The following TJP1 variants were observed in gnomAD, a reference collection of about 807,000 sequenced individuals.
The protein encoded by TJP1 is tight junction protein 1, also known as tight junction protein ZO-1.
In TJP1, 43 loss-of-function variants were observed where a neutral mutation model predicts 194.2. The ratio of observed to expected loss-of-function variants is 0.22; its 90% CI spans 0.17 to 0.29. The LOEUF (loss-of-function observed/expected upper bound fraction) is 0.29. Ranked by LOEUF, TJP1 falls within the 10% of genes least tolerant of loss-of-function variation. The pLI is 1.00. For synonymous variants in TJP1, 801 were observed against 779.0 expected, an observed-to-expected ratio of 1.03 and a Z score of -0.47; for missense variants, 1,971 against 2,185.7, an observed-to-expected ratio of 0.90 and a Z score of 1.96.
At chr15:29,821,218 TG>T (rs1567099667) in intron 1 of TJP1, among the ~76,000 whole-genome samples, 1 of 152,124 alleles carries the variant, frequency 6.6e-6, no homozygotes, top group African/African-American at 2.4e-5. Flanking sequence ...TTCAAAGCAA[TG>T]GGAAAATGCA....
chr15:29,833,618 C>T (rs2152050361), intron 2 of TJP1, among the ~76,000 whole-genome samples: 1 of 151,726 alleles, frequency 6.6e-6, no homozygotes, highest in Non-Finnish European at 1.5e-5. Context: ...ATCTTGAACT[C>T]CTGACCTCAA....
intron 2 of TJP1, among the ~76,000 whole-genome samples, chr15:29,873,715 G>A (rs1162595668): frequency 6.6e-6 from 1 of 152,136 alleles, no homozygotes; most frequent in Non-Finnish European, 1.5e-5. Flanking sequence ...CTCAGACTAG[G>A]CATGGGGCTT....
chr15:29,899,817 G>A (rs1050546818), intron 2 of TJP1, among the ~76,000 whole-genome samples: 23 of 152,132 alleles, frequency 1.5e-4, no homozygotes, highest in Admixed American at 5.9e-4. Context: ...CAAAATAGTT[G>A]TCCAATGGCA....
intron 2 of TJP1, among the ~76,000 whole-genome samples, chr15:29,838,489 A>G (rs761199931): frequency 3.3e-5 from 5 of 152,204 alleles, no homozygotes; most frequent in Non-Finnish European, 7.3e-5. Context: ...ACCCACACCC[A>G]GCCCCTCCAA....
intron 2 of TJP1, among the ~76,000 whole-genome samples, chr15:29,929,585 T>TA (rs1267150323): frequency 6.6e-6 from 1 of 152,068 alleles, no homozygotes; most frequent in African/African-American, 2.4e-5. Context: ...TAATTCTAGC[T>TA]ACTCAGGAGG....
At chr15:29,752,102 T>C (rs1388545195) in intron 8 of TJP1, among the ~76,000 whole-genome samples, 2 of 139,660 alleles carry the variant, frequency 1.4e-5, no homozygotes, top group African/African-American at 2.7e-5. Context: ...CTAAATACAC[T>C]TTTTTTTTTT....
intron 2 of TJP1, among the ~76,000 whole-genome samples, chr15:29,915,919 C>T (rs975968415): frequency 6.6e-6 from 1 of 152,118 alleles, no homozygotes; most frequent in Non-Finnish European, 1.5e-5. Flanking sequence ...TTACTTTATT[C>T]ATGTTTTTTG....
At chr15:29,840,055 G>A (rs2051167696) in intron 2 of TJP1, among the ~76,000 whole-genome samples, 1 of 152,218 alleles carries the variant, frequency 6.6e-6, no homozygotes, top group Non-Finnish European at 1.5e-5. Context: ...TCCCCTTGAT[G>A]AGGTGTGTGT....
chr15:29,878,792 G>T (rs900273031), intron 2 of TJP1, among the ~76,000 whole-genome samples: 1 of 152,140 alleles, frequency 6.6e-6, no homozygotes, highest in African/African-American at 2.4e-5. Flanking sequence ...GGGCTGGCCT[G>T]GGATGAGTAT....
chr15:29,832,110 G>A (rs192798944), intron 2 of TJP1, among the ~76,000 whole-genome samples: 258 of 152,222 alleles, frequency 1.7e-3, no homozygotes, highest in Non-Finnish European at 2.6e-3. Context: ...AACAGATGGA[G>A]TCTTTTCTTC....
At position 29,885,921 on chromosome 15, in the gene TJP1, C is replaced by T. The variant is rs1055790714; in HGVS notation, c.306+70311G>A. On this transcript the variant is annotated intron_variant, in intron 2 of 28. Coordinates refer to the TJP1 transcript ENST00000356107. ...TTAAGTTTCTGTAAGTTTCTATAAG[C>T]ATAGCTCAGAGACTCAAAAGAGAAG... Among the ~76,000 whole-genome samples, 8 of 152,296 alleles carry T rather than the reference C, an allele frequency of 5.3e-5. No individual in the cohort carries two copies. The South Asian group carries it at 1.7e-3, about 32-fold the overall frequency.
intron 2 of TJP1, among the ~76,000 whole-genome samples, chr15:29,899,836 G>C (rs1207386238): frequency 6.6e-6 from 1 of 152,084 alleles, no homozygotes; most frequent in Non-Finnish European, 1.5e-5. Context: ...CAGGAAGTTG[G>C]ATTAACTGAT....
intron 8 of TJP1, among the ~76,000 whole-genome samples, chr15:29,748,082 T>G (rs1221143818): frequency 1.3e-5 from 2 of 152,176 alleles, no homozygotes; most frequent in Non-Finnish European, 2.9e-5. Flanking sequence ...TCTAGAACAG[T>G]ACTGTTTAAG....
intron 8 of TJP1, among the ~76,000 whole-genome samples, chr15:29,754,045 A>G (rs937001180): frequency 6.6e-6 from 1 of 152,242 alleles, no homozygotes; most frequent in Non-Finnish European, 1.5e-5. Context: ...CCCAAGGAAT[A>G]TAAATCATTC....
chr15:29,915,578 T>G (rs537983320), intron 2 of TJP1, among the ~76,000 whole-genome samples: 1 of 152,346 alleles, frequency 6.6e-6, no homozygotes, highest in African/African-American at 2.4e-5. Context: ...GATTTTATAC[T>G]AAGATTTAAA....
At chr15:29,927,189 G>A (rs761228316) in intron 2 of TJP1, among the ~76,000 whole-genome samples, 3 of 152,208 alleles carry the variant, frequency 2.0e-5, no homozygotes, top group African/African-American at 4.8e-5. Flanking sequence ...GCGTGGTGGC[G>A]CATGCCTGTA....
intron 2 of TJP1, among the ~76,000 whole-genome samples, chr15:29,949,636 C>A (rs1268306404): frequency 9.5e-5 from 12 of 126,694 alleles, no homozygotes; most frequent in East Asian, 3.5e-4. Context: ...CCACCTCCAC[C>A]ACCTCCACCA....
chr15:29,794,886 GAAA>G (rs971035102), intron 2 of TJP1, among the ~76,000 whole-genome samples: 3 of 151,994 alleles, frequency 2.0e-5, no homozygotes, highest in African/African-American at 7.2e-5. Flanking sequence ...AGAAATCAAT[GAAA>G]CAGAAAACAG....
intron 21 of TJP1, 64 bp downstream of exon 21, chr15:29,718,202 G>A: frequency 6.3e-7 from 1 of 1,593,140 alleles, no homozygotes; most frequent in South Asian, 1.1e-5. Context: ...AATGGCGGAG[G>A]GGAGAGCCAA....
Sources: gnomAD v4.1 joint callset for allele counts (sites outside exome capture counted in the v4.1 genomes callset) on GRCh38, gnomAD v4.1.1 for gene constraint, MANE v1.5 for transcripts, NCBI Gene and HGNC (gene_info 2026-07-23, HGNC 2026-07-21) for gene names.